CLCN6: variants seen among roughly 807,000 people sequenced by gnomAD.
CLCN6 encodes the protein Cl-/H+ antiporter 6.
A neutral mutation model predicts 109.8 loss-of-function variants in CLCN6; 70 were observed. The observed-to-expected ratio is 0.64, with a 90% CI of 0.53 to 0.78. CLCN6 has a LOEUF of 0.78. Ranked by LOEUF, CLCN6 falls within the 30% of genes least tolerant of loss-of-function variation. CLCN6 has a pLI of 0.00. For missense variants in CLCN6, 984 were observed against 1,142.3 expected, an observed-to-expected ratio of 0.86 and a Z score of 2.00; for synonymous variants, 444 against 447.8, an observed-to-expected ratio of 0.99 and a Z score of 0.11.
At chr1:11,822,398 A>G (rs1441902577) in intron 5 of CLCN6, among the ~76,000 whole-genome samples, 3 of 152,070 alleles carry the variant, frequency 2.0e-5, no homozygotes, top group Non-Finnish European at 4.4e-5. Context: ...AGCTGGGACC[A>G]TAGGCATATA....
At chr1:11,838,688 C>T in intron 22 of CLCN6, 28 bp downstream of exon 22, 3 of 1,614,236 alleles carry the variant, frequency 1.9e-6, no homozygotes, top group East Asian at 4.5e-5. Context: ...CCTGCCCCCA[C>T]CTTTGAGAGA....
chr1:11,819,771 G>A (rs970995601), intron 5 of CLCN6, among the ~76,000 whole-genome samples: 6 of 152,160 alleles, frequency 3.9e-5, no homozygotes, highest in Non-Finnish European at 7.3e-5. Context: ...TACAGATGCC[G>A]CAAAGATGCC....
intron 2 of CLCN6, among the ~76,000 whole-genome samples, chr1:11,810,720 A>G (rs1644587398): frequency 6.6e-6 from 1 of 152,206 alleles, no homozygotes; most frequent in Non-Finnish European, 1.5e-5. Flanking sequence ...ATAATAGCTC[A>G]TATATTCCAT....
chr1:11,834,943 A>T lies in CLCN6; in HGVS notation c.1793+353A>T, dbSNP rs181726661. Among the ~76,000 whole-genome samples the T allele has an allele frequency of 2.0e-5, 3 of 152,214 alleles. No homozygotes were observed. ...CAGGAGTGAGAATAGCCTGTTTCAC[A>T]TGTGCCCACCAGAATGCCCTACTGC... On this transcript the variant is annotated intron_variant, in intron 17 of 22. Transcript: ENST00000346436. This position sits in a 1 kb window ranked among gnomAD's most constrained non-coding sequence, Gnocchi z 4.5.
At chr1:11,822,485 C>G (rs1459394048) in intron 5 of CLCN6, among the ~76,000 whole-genome samples, 1 of 152,190 alleles carries the variant, frequency 6.6e-6, no homozygotes, top group Non-Finnish European at 1.5e-5. Context: ...TCAAGTGATC[C>G]TCCTGCCTCA....
chr1:11,822,658 G>A (rs763189739), intron 5 of CLCN6, 37 bp from the exon 6 acceptor site: 16 of 1,289,398 alleles, frequency 1.2e-5, no homozygotes, highest in African/African-American at 5.8e-5. Flanking sequence ...GACACCCCTC[G>A]GCTGATGAAC....
chr1:11,808,508 C>G (rs1644554417), intron 2 of CLCN6, among the ~76,000 whole-genome samples: 1 of 152,072 alleles, frequency 6.6e-6, no homozygotes, highest in African/African-American at 2.4e-5. Context: ...ATACTATTAC[C>G]ACATCTAAAA....
intron 18 of CLCN6, among the ~76,000 whole-genome samples, chr1:11,836,618 T>A (rs1391123408): frequency 6.6e-6 from 1 of 152,108 alleles, no homozygotes; most frequent in African/African-American, 2.4e-5. Flanking sequence ...TGGCCCTGGG[T>A]TCCTCCTGAT....
chr1:11,806,780 G>C, intron 1 of CLCN6: 1 of 360,106 alleles, frequency 2.8e-6, no homozygotes, highest in South Asian at 4.8e-5. Flanking sequence ...GGGAAAACTT[G>C]AGTTGTGTTC....
At chr1:11,822,492 C>T (rs1453521746) in intron 5 of CLCN6, among the ~76,000 whole-genome samples, 1 of 152,192 alleles carries the variant, frequency 6.6e-6, no homozygotes, top group Non-Finnish European at 1.5e-5. Context: ...ATCCTCCTGC[C>T]TCAGCCTCCC....
At chr1:11,839,071 T>G in intron 22 of CLCN6, 1 of 594,482 alleles carries the variant, frequency 1.7e-6, no homozygotes, top group Non-Finnish European at 3.0e-6. Flanking sequence ...CTTTCCTTTT[T>G]TCTTCTTTTT....
chr1:11,825,770 A>G (rs1027562137), intron 8 of CLCN6, among the ~76,000 whole-genome samples: 11 of 152,052 alleles, frequency 7.2e-5, no homozygotes, highest in Admixed American at 1.3e-4. Flanking sequence ...TTACAGGCAT[A>G]TGTCACCACG....
chr1:11,834,349 C>A lies in CLCN6; in HGVS notation c.1640C>A (p.Ser547Tyr). ...TISLTVILIE[S>Y]TNEITYGLPI... ...AGCCTCACGGTCATCCTGATCGAGT[C>A]CACCAATGAGATCACCTACGGGCTC... The change falls in exon 16 of 23, where the codon TCC (serine) becomes TAC (tyrosine). Residue 547 changes from serine (S) to tyrosine (Y), a missense_variant. By Grantham distance (144) the Ser-to-Tyr change is moderately radical (BLOSUM62 -2). Transcript: ENST00000346436. This position sits in a 1 kb window ranked among gnomAD's most constrained non-coding sequence, Gnocchi z 4.5. 3.1e-6 allele frequency: 5 copies of A among 1,614,090 alleles called. No homozygotes were observed. The highest frequency in any genetic ancestry group is 4.2e-6 in the Non-Finnish European group (5 of 1,180,018).
In CLCN6 at chr1:11,840,367, T is replaced by G; in HGVS notation, c.*144T>G. 1.3e-6 allele frequency: 1 copy of G among 750,048 alleles called. No homozygotes were observed. Among genetic ancestry groups the G allele is most frequent in the Admixed American group, 2.0e-5 (1 of 49,660 alleles). The allele number at this position is 750,048 out of a possible 1,614,324, so 46.5% of individuals were successfully genotyped here. A position where few individuals can be genotyped will look rare whatever the true frequency, so the allele number is the denominator to read the frequency against. On this transcript the variant is annotated 3_prime_UTR_variant, in exon 23 of 23. Coordinates refer to ENST00000346436, the MANE Select transcript of CLCN6 (RefSeq NM_001286.5). ...GAAAGCCGGGAGTCATCGGACACCT[T>G]GCTGGTCAGAGGTCCTGGGGGTGGT...
Position 11,834,573 on chromosome 1 carries a change from A to G in CLCN6, c.1776A>G (p.Thr592=). ...GCGTGCCGCTTCTGGAATGGGAGAC[A>G]GAGGTGGAAATGGACAAGTAAGGCC... The part of the protein sequence containing the change: ...LRGVPLLEWE[T]EVEMDKLRAS... Residue 592 remains threonine, a synonymous_variant, in exon 17 of 23, where the codon ACA becomes ACG. Transcript: ENST00000346436. This position sits in a 1 kb window ranked among gnomAD's most constrained non-coding sequence, Gnocchi z 4.5. The G allele has an allele frequency of 6.2e-7, 1 of 1,614,074 alleles. No individual in the cohort carries two copies. Among genetic ancestry groups the G allele is most frequent in the Non-Finnish European group, 8.5e-7 (1 of 1,179,998 alleles).
rs530226828 is a variant in CLCN6, at chr1:11,817,955, G to C, written c.279+1275G>C. ...TTGGGGAAACTTGGGTTGATTTATT[G>C]TTTTATTTAAATCTCAGGGTGTTGG... On this transcript the variant is annotated intron_variant, in intron 4 of 22. Coordinates refer to ENST00000346436, the MANE Select transcript of CLCN6 (RefSeq NM_001286.5). Among the ~76,000 whole-genome samples, 9 of 152,132 alleles carry C rather than the reference G, an allele frequency of 5.9e-5. No homozygotes were observed. In the East Asian group the frequency reaches 7.7e-4, roughly 13 times the overall value.
chr1:11,815,324 C>A (rs1644656085), intron 2 of CLCN6, among the ~76,000 whole-genome samples: 1 of 152,170 alleles, frequency 6.6e-6, no homozygotes. Flanking sequence ...TAAAGCAACA[C>A]CACTCAAATT....
rs770581551 is a variant in CLCN6, at chr1:11,837,424, C to A, written c.2220C>A (p.Thr740=). 4 of 1,614,212 alleles carry A rather than the reference C, an allele frequency of 2.5e-6. No homozygotes were observed. Among genetic ancestry groups the A allele is most frequent in the Non-Finnish European group, 3.4e-6 (4 of 1,180,032 alleles). Residue 740 remains threonine (T), a synonymous_variant, in exon 20 of 23, where the codon ACC becomes ACA. Transcript: ENST00000346436. ...TGGAGGAGCGGTTCCGCCCTCTGACCTTCCACGGCCTGATCCTTCGGTCGC... is the reference window on the plus strand; with the variant it reads ...TGGAGGAGCGGTTCCGCCCTCTGACATTCCACGGCCTGATCCTTCGGTCGC... The part of the protein sequence containing the change: ...WTMEERFRPL[T]FHGLILRSQL...
rs755458102 is a variant in CLCN6 at position 11,812,638 on chromosome 1, C to CA, written c.148-3195dup. ...TTAGCAAACAAAAGATACCACGGCT[C>CA]AAAAAAAAAAAAAGACAAAGTATGT... On this transcript the variant is annotated intron_variant, in intron 2 of 22. Transcript: ENST00000346436. 1.1e-3 allele frequency among the ~76,000 whole-genome samples: 106 copies of CA among 96,970 alleles called. 1 individual carries two copies. The highest frequency in any genetic ancestry group is 5.7e-3 in the Middle Eastern group (1 of 176). The allele number at this position is 96,970 out of a possible 152,430, so 63.6% of individuals were successfully genotyped here.
Sources: allele counts gnomAD v4.1 joint callset (sites outside exome capture counted in the v4.1 genomes callset), GRCh38; gene constraint gnomAD v4.1.1; non-coding constraint Gnocchi (gnomAD v3.1); transcripts MANE v1.5; gene names NCBI Gene and HGNC (gene_info 2026-07-23, HGNC 2026-07-21).